BNIP1: variants seen among roughly 807,000 people sequenced by gnomAD.
BNIP1 encodes BCL2 interacting protein 1.
Under a neutral mutation model 28.5 loss-of-function variants are expected in BNIP1, and 25 were observed. The observed-to-expected ratio is 0.88, with a 90% CI of 0.64 to 1.23. The LOEUF (loss-of-function observed/expected upper bound fraction) is 1.23, where lower values mean the gene tolerates loss of function less well. Ranked by LOEUF, BNIP1 falls within the 50% of genes most tolerant of loss-of-function variation. BNIP1 has a pLI of 0.00. For missense variants in BNIP1, 276 were observed against 277.0 expected (o/e 1.00, Z 0.02); for synonymous variants, 118 against 101.7 (o/e 1.16, Z -0.96).
intron 3 of BNIP1, among the ~76,000 whole-genome samples, chr5:173,157,862 A>G (rs1481184311): frequency 6.6e-6 from 1 of 151,562 alleles, no homozygotes; most frequent in African/African-American, 2.4e-5. Context: ...GGTCTGTAGT[A>G]TGGAAAGAAC....
At position 173,160,150 on chromosome 5, in the gene BNIP1, C is replaced by T. The variant is rs1032821854; in HGVS notation, c.490+99C>T. On this transcript the variant is annotated intron_variant, in intron 5 of 5. Coordinates refer to ENST00000351486, the MANE Select transcript of BNIP1 (RefSeq NM_001205.3). ...CTGGGCTCCTCCACCACAGCCCACA[C>T]GATGTTCACTGACTTGGGTGGCTTC... 5.1e-5 allele frequency: 55 copies of T among 1,082,918 alleles called. No homozygotes were observed. The African/African-American group carries it at 5.8e-4, about 11-fold the overall frequency. 67.1% of individuals were successfully genotyped at this position (1,082,918 alleles called of 1,614,324 possible). A position where few individuals can be genotyped will look rare whatever the true frequency, so the allele number is the denominator to read the frequency against.
At position 173,150,518 on chromosome 5, in the gene BNIP1, G is replaced by A. The variant is rs570965673; in HGVS notation, c.177+3560G>A. Among the ~76,000 whole-genome samples the A allele has an allele frequency of 3.2e-3, 481 of 152,272 alleles. 1 individual carries two copies. Among genetic ancestry groups the A allele is most frequent in the Non-Finnish European group, 5.2e-3 (357 of 68,018 alleles). On this transcript the variant is annotated intron_variant, in intron 2 of 5. Coordinates refer to ENST00000351486, the MANE Select transcript of BNIP1 (RefSeq NM_001205.3). ...TTCAGCAGCGTCACCATACCTAGCT[G>A]ATCTCTTCCTGCCTTCATCTCCAGT...
intron 5 of BNIP1, 42 bp downstream of exon 5, chr5:173,160,093 T>C (rs1760318485): frequency 3.2e-6 from 5 of 1,577,546 alleles, no homozygotes; most frequent in Non-Finnish European, 4.3e-6. Context: ...CCAGAGACGC[T>C]GCTCTAGGGC....
Position 173,163,778 on chromosome 5 carries a change from GGC to G in BNIP1, c.545_546del (p.Gly182AspfsTer75). ...DANEEFKSMS[G>X]TIQLGRKLIT... Reference sequence around the variant, plus strand: ...AAATGAAGAATTTAAGTCCATGTCGGGCACCATCCAGCTGGGCCGGAAGCTTA... The same window carrying G: ...AAATGAAGAATTTAAGTCCATGTCGGACCATCCAGCTGGGCCGGAAGCTTA... On this transcript the variant is annotated frameshift_variant, in exon 6 of 6. Transcript: ENST00000351486. LOFTEE classifies it high-confidence loss of function. 1 of 1,612,910 alleles carries G rather than the reference GGC, an allele frequency of 6.2e-7. No homozygotes were observed. The highest frequency in any genetic ancestry group is 1.3e-5 in the African/African-American group (1 of 74,970).
In BNIP1 at chr5:173,154,252, A is replaced by T. The variant is rs957497370; in HGVS notation, c.178-70A>T. 4.2e-6 allele frequency: 6 copies of T among 1,443,690 alleles called. No homozygotes were observed. The African/African-American group carries it at 8.5e-5, about 20-fold the overall frequency. The allele number at this position is 1,443,690 out of a possible 1,614,324, so 89.4% of individuals were successfully genotyped here. The stretch of plus-strand genomic sequence containing the variant: ...GTGCTATTGTATGCCCTTGGCAGAA[A>T]TAGAAATGCTCTTCTGCTTTCATGT... On this transcript the variant is annotated intron_variant, in intron 2 of 5. Transcript: ENST00000351486.
At chr5:173,151,738 A>C (rs376900637) in intron 2 of BNIP1, 1 of 1,609,558 alleles carries the variant, frequency 6.2e-7, no homozygotes, top group Non-Finnish European at 8.5e-7. Context: ...GTGCCCACCC[A>C]GTGTTTATTT....
At chr5:173,160,848 AGGCTAC>A in intron 5 of BNIP1, 1 of 456,288 alleles carries the variant, frequency 2.2e-6, no homozygotes, top group Non-Finnish European at 4.4e-6. Flanking sequence ...TGTGAATCAG[AGGCTAC>A]AGGAGAGACT....
intron 5 of BNIP1, 35 bp from the exon 6 acceptor site, chr5:173,163,690 T>C: frequency 6.5e-7 from 1 of 1,539,166 alleles, no homozygotes; most frequent in African/African-American, 1.4e-5. Context: ...TGAGCTGCAG[T>C]CTCTGAGTTG....
intron 2 of BNIP1, among the ~76,000 whole-genome samples, chr5:173,150,897 G>A (rs1759998576): frequency 1.3e-5 from 2 of 151,550 alleles, no homozygotes; most frequent in Non-Finnish European, 1.5e-5. Flanking sequence ...GAGTGCAGGT[G>A]TGATCTCTGC....
At chr5:173,149,431 C>T (rs1759953613) in intron 2 of BNIP1, among the ~76,000 whole-genome samples, 1 of 152,124 alleles carries the variant, frequency 6.6e-6, no homozygotes, top group Non-Finnish European at 1.5e-5. Context: ...GCAGGAAAGA[C>T]CCACCTCTGT....
At position 173,163,783 on chromosome 5, in the gene BNIP1, C is replaced by G. The variant is rs191156349; in HGVS notation, c.549C>G (p.Thr183=). 1.1e-5 allele frequency: 17 copies of G among 1,613,352 alleles called. No homozygotes were observed. The African/African-American group carries it at 2.1e-4, about 20-fold the overall frequency. The change falls in exon 6 of 6, where the codon ACC becomes ACG. Residue 183 remains threonine (T), a synonymous_variant. Transcript: ENST00000351486. ...AAGAATTTAAGTCCATGTCGGGCACCATCCAGCTGGGCCGGAAGCTTATCA... is the reference window on the plus strand; with the variant it reads ...AAGAATTTAAGTCCATGTCGGGCACGATCCAGCTGGGCCGGAAGCTTATCA... ...ANEEFKSMSG[T]IQLGRKLITK...
intron 2 of BNIP1, among the ~76,000 whole-genome samples, chr5:173,150,120 T>C (rs1275152198): frequency 6.6e-6 from 1 of 152,132 alleles, no homozygotes; most frequent in Non-Finnish European, 1.5e-5. Context: ...TAGCTGGGTA[T>C]GGTGACCCGT....
chr5:173,148,145 G>A (rs1759919405), intron 2 of BNIP1, among the ~76,000 whole-genome samples: 7 of 100,606 alleles, frequency 7.0e-5, no homozygotes, highest in Admixed American at 2.6e-4. Context: ...TATTTTAATA[G>A]AGATGGATTT....
chr5:173,151,026 G>A (rs1222063134), intron 2 of BNIP1, among the ~76,000 whole-genome samples: 2 of 151,828 alleles, frequency 1.3e-5, no homozygotes, highest in Non-Finnish European at 1.5e-5. Flanking sequence ...TAGTACAGAC[G>A]GAGTTTCACC....
intron 2 of BNIP1, among the ~76,000 whole-genome samples, chr5:173,149,514 G>A (rs1157098873): frequency 3.3e-5 from 5 of 152,100 alleles, no homozygotes; most frequent in African/African-American, 1.2e-4. Flanking sequence ...AGATTTGGGT[G>A]GGGACACAGC....
At chr5:173,151,912 A>T (rs1239840437) in intron 2 of BNIP1, among the ~76,000 whole-genome samples, 1 of 152,226 alleles carries the variant, frequency 6.6e-6, no homozygotes, top group Non-Finnish European at 1.5e-5. Flanking sequence ...TCTGGAAATA[A>T]ATACAAGATT....
At chr5:173,151,547 T>C in intron 2 of BNIP1, 1 of 170,618 alleles carries the variant, frequency 5.9e-6, no homozygotes, top group Non-Finnish European at 1.2e-5. Context: ...ATAACTGTCA[T>C]TTTTTTTTTT....
In BNIP1 at chr5:173,151,069, T is replaced by C. The variant is rs543004377; in HGVS notation, c.178-3253T>C. Among the ~76,000 whole-genome samples the C allele has an allele frequency of 1.5e-3, 233 of 152,176 alleles. 2 individuals carry two copies. Among genetic ancestry groups the C allele is most frequent in the Middle Eastern group, 6.8e-3 (2 of 294 alleles). ...CCAGGCTGGTCTCGATCTCCTGACT[T>C]TGTGATCAGCCTGCCTCAGCCTCCC... On this transcript the variant is annotated intron_variant, in intron 2 of 5. Coordinates refer to ENST00000351486, the MANE Select transcript of BNIP1 (RefSeq NM_001205.3).
chr5:173,162,585 C>T (rs1212633157), intron 5 of BNIP1, among the ~76,000 whole-genome samples: 5 of 151,942 alleles, frequency 3.3e-5, no homozygotes, highest in Admixed American at 6.6e-5. Flanking sequence ...GCCAAGATCA[C>T]GCCACTGCAC....
Sources: allele counts gnomAD v4.1 joint callset (sites outside exome capture counted in the v4.1 genomes callset), GRCh38; gene constraint gnomAD v4.1.1; transcripts MANE v1.5; gene names NCBI Gene and HGNC (gene_info 2026-07-23, HGNC 2026-07-21).